Variants in SV2C observed in about 807,000 individuals in gnomAD.
SV2C encodes the protein synaptic vesicle glycoprotein 2C.
SV2C carries 49 observed loss-of-function variants against 79.7 expected under a neutral mutation model. The observed-to-expected ratio is 0.61, with a 90% CI of 0.49 to 0.78. The LOEUF (loss-of-function observed/expected upper bound fraction) is 0.78. Ranked by LOEUF, SV2C falls within the 30% of genes least tolerant of loss-of-function variation. SV2C has a pLI of 0.00. For synonymous variants in SV2C, 334 were observed against 333.2 expected (o/e 1.00, Z -0.03); for missense variants, 833 against 912.9 (o/e 0.91, Z 1.13).
At chr5:76,235,180 CAAAAA>C (rs11336133) in intron 4 of SV2C, among the ~76,000 whole-genome samples, 2 of 131,034 alleles carry the variant, frequency 1.5e-5, no homozygotes, top group Non-Finnish European at 1.6e-5. Context: ...GAGAAAAGGG[CAAAAA>C]AAAAAAAAAA....
chr5:75,953,381 C>T, the SV2C span, among the ~76,000 whole-genome samples: 3 of 151,874 alleles, frequency 2.0e-5, no homozygotes, highest in African/African-American at 7.3e-5. Flanking sequence ...TACAGGAATC[C>T]CAGAGGTACC....
chr5:75,983,786 A>G, the SV2C span, among the ~76,000 whole-genome samples: 2 of 151,920 alleles, frequency 1.3e-5, no homozygotes, highest in African/African-American at 2.4e-5. Context: ...TGCCTCTGAG[A>G]TTTGCCTTAT....
chr5:75,987,185 C>T, the SV2C span, among the ~76,000 whole-genome samples: 1 of 151,882 alleles, frequency 6.6e-6, no homozygotes. Context: ...TCTTATGCCT[C>T]CTGCCAGCGT....
chr5:76,268,676 G>A (rs914073891), intron 4 of SV2C, among the ~76,000 whole-genome samples: 41 of 152,198 alleles, frequency 2.7e-4, no homozygotes, highest in Middle Eastern at 6.8e-3. Flanking sequence ...TATAAGCTGT[G>A]GGTGTTTTCA....
the SV2C span, among the ~76,000 whole-genome samples, chr5:76,036,862 CCT>C: frequency 3.3e-5 from 5 of 152,214 alleles, no homozygotes; most frequent in African/African-American, 1.2e-4. Context: ...TTCCATTCTC[CCT>C]GTCACTTTCA....
chr5:76,309,630 A>AAC (rs1554046996), intron 12 of SV2C, among the ~76,000 whole-genome samples: 2,281 of 131,604 alleles, frequency 0.017, 91 homozygotes, highest in East Asian at 0.023. Context: ...AAAAAACAGA[A>AAC]AGAAAGAAAG....
At chr5:75,928,926 G>A in the SV2C span, among the ~76,000 whole-genome samples, 1 of 152,182 alleles carries the variant, frequency 6.6e-6, no homozygotes. Context: ...AAAAGAACAA[G>A]TGCATGAAGC....
At chr5:75,896,836 T>G in the SV2C span, among the ~76,000 whole-genome samples, 4 of 148,956 alleles carry the variant, frequency 2.7e-5, no homozygotes, top group East Asian at 1.9e-4. Context: ...GAGCATTTTT[T>G]CATGTGTTTT....
chr5:76,241,182 CTTT>C (rs60557642), intron 4 of SV2C, among the ~76,000 whole-genome samples: 1 of 137,052 alleles, frequency 7.3e-6, no homozygotes, highest in African/African-American at 2.7e-5. Flanking sequence ...GTCTCAATCT[CTTT>C]TTTTTTTTTT....
At chr5:76,147,356 T>C (rs571930097) in intron 2 of SV2C, among the ~76,000 whole-genome samples, 63 of 152,296 alleles carry the variant, frequency 4.1e-4, no homozygotes, top group Admixed American at 4.0e-3. Flanking sequence ...TGGCAGTACA[T>C]CCTGTGTGTA....
intron 1 of SV2C, among the ~76,000 whole-genome samples, chr5:76,122,461 G>T (rs901366605): frequency 6.6e-5 from 10 of 152,010 alleles, no homozygotes; most frequent in African/African-American, 2.4e-4. Context: ...TTTTCAAAGG[G>T]AATGCTTCCA....
the SV2C span, among the ~76,000 whole-genome samples, chr5:75,955,207 A>G: frequency 6.6e-6 from 1 of 151,698 alleles, no homozygotes; most frequent in African/African-American, 2.4e-5. Flanking sequence ...ATATAGATCA[A>G]TGGAACAGAA....
chr5:76,284,259 T>C (rs1271368634), intron 4 of SV2C, among the ~76,000 whole-genome samples: 1 of 151,862 alleles, frequency 6.6e-6, no homozygotes, highest in African/African-American at 2.4e-5. Context: ...CCCATTATGC[T>C]TATTTTTCTA....
At chr5:76,122,674 A>C (rs1164851374) in intron 1 of SV2C, among the ~76,000 whole-genome samples, 2 of 151,968 alleles carry the variant, frequency 1.3e-5, no homozygotes, top group African/African-American at 2.4e-5. Context: ...TTTGAAACCA[A>C]CGAGAACAAA....
the SV2C span, among the ~76,000 whole-genome samples, chr5:75,929,360 C>G: frequency 2.0e-5 from 3 of 152,070 alleles, no homozygotes; most frequent in South Asian, 2.1e-4. Context: ...GCCCAGCCCC[C>G]TTCCAGATGA....
chr5:76,193,607 C>A (rs1744172961), intron 2 of SV2C, among the ~76,000 whole-genome samples: 1 of 152,148 alleles, frequency 6.6e-6, no homozygotes, highest in Non-Finnish European at 1.5e-5. Context: ...CTAAGGTTTA[C>A]CCTATAGCAT....
the SV2C span, among the ~76,000 whole-genome samples, chr5:75,950,820 A>T: frequency 6.6e-6 from 1 of 152,138 alleles, no homozygotes; most frequent in East Asian, 1.9e-4. Context: ...ATGTTTAAAC[A>T]ATAGTAATAT....
At chr5:75,907,484 G>A in the SV2C span, among the ~76,000 whole-genome samples, 8 of 152,128 alleles carry the variant, frequency 5.3e-5, no homozygotes, top group African/African-American at 1.9e-4. Context: ...GGGATGGGGG[G>A]AGGATGGGAT....
chr5:76,235,141 G>GA (rs1174822262), intron 4 of SV2C, among the ~76,000 whole-genome samples: 1 of 86,646 alleles, frequency 1.2e-5, no homozygotes, highest in Non-Finnish European at 2.6e-5. Context: ...AAAAGGATCA[G>GA]AAAAAAGACA....
Sources: allele counts gnomAD v4.1 joint callset (sites outside exome capture counted in the v4.1 genomes callset), GRCh38; gene constraint gnomAD v4.1.1; transcripts MANE v1.5; gene names NCBI Gene and HGNC (gene_info 2026-07-23, HGNC 2026-07-21).